Variants in UMAD1 observed in about 807,000 individuals in gnomAD.
UMAD1 encodes UBAP1-MVB12-associated (UMA) domain containing 1, also known as UBAP1-MVB12-associated (UMA)-domain containing protein 1.
A neutral mutation model predicts 6.1 loss-of-function variants in UMAD1; 8 were observed. That is an observed-to-expected ratio of 1.30 (90% CI 0.76 to 2.35). The LOEUF is 2.35. UMAD1 is among the 30% of genes most tolerant of loss of function. The probability of loss-of-function intolerance (pLI) is 0.00; values close to 1 mark genes in which losing one functional copy is unlikely to be tolerated. For missense variants in UMAD1, 130 were observed against 78.4 expected, an observed-to-expected ratio of 1.66 and a Z score of -2.49; for synonymous variants, 56 against 31.4, an observed-to-expected ratio of 1.78 and a Z score of -2.61.
At chr7:7,815,212 C>T (rs1159902466) in intron 3 of UMAD1, among the ~76,000 whole-genome samples, 6 of 152,094 alleles carry the variant, frequency 3.9e-5, no homozygotes, top group Admixed American at 3.9e-4. Flanking sequence ...ATCAGACAGA[C>T]TTGTAGCTCA....
intron 2 of UMAD1, among the ~76,000 whole-genome samples, chr7:7,777,915 G>C (rs1224611152): frequency 6.6e-6 from 1 of 152,120 alleles, no homozygotes; most frequent in African/African-American, 2.4e-5. Flanking sequence ...CCCTGATCTA[G>C]CTGTGTTAGG....
At chr7:7,674,416 T>C (rs1779687508) in intron 2 of UMAD1, among the ~76,000 whole-genome samples, 1 of 152,226 alleles carries the variant, frequency 6.6e-6, no homozygotes, top group South Asian at 2.1e-4. Flanking sequence ...AGAGTTTTTC[T>C]CGTGGATAAA....
chr7:7,692,311 T>G (rs899120776), intron 2 of UMAD1: 3 of 152,074 alleles, frequency 2.0e-5, no homozygotes, highest in Non-Finnish European at 4.4e-5. Flanking sequence ...CTAGTAGTCA[T>G]GAGGAGAATT....
At chr7:7,845,810 C>T (rs1482887548) in intron 3 of UMAD1, among the ~76,000 whole-genome samples, 1 of 152,064 alleles carries the variant, frequency 6.6e-6, no homozygotes, top group Non-Finnish European at 1.5e-5. Flanking sequence ...ACTTGTAATA[C>T]AAATATGTCA....
At chr7:7,746,126 T>C (rs1198255654) in intron 2 of UMAD1, among the ~76,000 whole-genome samples, 1 of 152,226 alleles carries the variant, frequency 6.6e-6, no homozygotes, top group African/African-American at 2.4e-5. Context: ...CGTGTTTGAA[T>C]GCTTAGTTGC....
intron 1 of UMAD1, among the ~76,000 whole-genome samples, chr7:7,647,669 G>C (rs1043433234): frequency 6.6e-6 from 1 of 152,212 alleles, no homozygotes; most frequent in Admixed American, 6.5e-5. Context: ...CTGCAGTGGC[G>C]TGATTGTGGT....
chr7:7,699,739 A>C (rs1780410275), intron 2 of UMAD1, among the ~76,000 whole-genome samples: 1 of 152,224 alleles, frequency 6.6e-6, no homozygotes, highest in South Asian at 2.1e-4. Context: ...CACAACTTGT[A>C]AGGTTCTGTA....
At chr7:7,654,382 G>A (rs76013433) in intron 1 of UMAD1, among the ~76,000 whole-genome samples, 20 of 152,196 alleles carry the variant, frequency 1.3e-4, no homozygotes, top group African/African-American at 4.3e-4. Context: ...TAGTTTTCAA[G>A]ATGACTTTAT....
intron 3 of UMAD1, among the ~76,000 whole-genome samples, chr7:7,828,202 G>A (rs746161099): frequency 2.6e-5 from 4 of 152,096 alleles, no homozygotes; most frequent in Admixed American, 1.3e-4. Context: ...TTTGATAGTC[G>A]CTGGTTGGTT....
intron 2 of UMAD1, among the ~76,000 whole-genome samples, chr7:7,691,863 TA>T (rs1780179743): frequency 6.6e-6 from 1 of 152,232 alleles, no homozygotes; most frequent in African/African-American, 2.4e-5. Context: ...GAAGATTTTT[TA>T]GTTAAAATTT....
At chr7:7,676,845 G>T (rs1378320892) in intron 2 of UMAD1, among the ~76,000 whole-genome samples, 1 of 152,030 alleles carries the variant, frequency 6.6e-6, no homozygotes, top group African/African-American at 2.4e-5. Context: ...AGATTATTAG[G>T]AATATAGTTA....
chr7:7,699,054 G>C (rs996925758), intron 2 of UMAD1, among the ~76,000 whole-genome samples: 12 of 150,804 alleles, frequency 8.0e-5, no homozygotes, highest in East Asian at 3.9e-4. Flanking sequence ...GTGTGTGGGG[G>C]GGGGGTAGAT....
At chr7:7,689,963 A>G (rs1017756441) in intron 2 of UMAD1, among the ~76,000 whole-genome samples, 3 of 152,146 alleles carry the variant, frequency 2.0e-5, no homozygotes, top group African/African-American at 7.2e-5. Flanking sequence ...AGGTGTTTTT[A>G]CTGTGTTTTA....
rs1459708000 is a variant in UMAD1, at chr7:7,847,099, AAAAAAATATATATATATAT to A, written c.157-30180_157-30162del. 3.6e-4 allele frequency among the ~76,000 whole-genome samples: 16 copies of A among 44,552 alleles called. 2 individuals are homozygous for A. Among genetic ancestry groups the A allele is most frequent in the African/African-American group, 1.3e-3 (8 of 6,286 alleles). The allele number at this position is 44,552 out of a possible 152,430, so 29.2% of individuals were successfully genotyped here. A position where few individuals can be genotyped will look rare whatever the true frequency, so the allele number is the denominator to read the frequency against. ...AAAGACAGCAATGCAAAAAAAAAAA[AAAAAAATATATATATATAT>A]ATATATATATATATATATATATATA... On this transcript the variant is annotated intron_variant, in intron 3 of 3. Transcript: ENST00000682710.
Position 7,769,091 on chromosome 7 carries a change from T to C in UMAD1, c.83-32579T>C, listed in dbSNP as rs537912377. Among the ~76,000 whole-genome samples, 227 of 152,336 alleles carry C rather than the reference T, an allele frequency of 1.5e-3. 1 individual carries two copies. The highest frequency in any genetic ancestry group is 5.0e-3 in the African/African-American group (208 of 41,588). ...CACCAAGACCAGATGTCCCTTTTCATTCATCTGTCCAGAAATTTAGCTTTT... is the reference window on the plus strand; with the variant it reads ...CACCAAGACCAGATGTCCCTTTTCACTCATCTGTCCAGAAATTTAGCTTTT... On this transcript the variant is annotated intron_variant, in intron 2 of 3. Coordinates refer to ENST00000682710, the MANE Select transcript of UMAD1 (RefSeq NM_001302348.2).
chr7:7,775,705 G>A (rs1782191905), intron 2 of UMAD1, among the ~76,000 whole-genome samples: 2 of 152,168 alleles, frequency 1.3e-5, no homozygotes, highest in African/African-American at 4.8e-5. Context: ...TTGCTGGTGG[G>A]AATATAAAAT....
chr7:7,752,161 T>G (rs1781690406), intron 2 of UMAD1, among the ~76,000 whole-genome samples: 1 of 152,130 alleles, frequency 6.6e-6, no homozygotes, highest in African/African-American at 2.4e-5. Flanking sequence ...AGATGAATGA[T>G]GAAATAAGTA....
intron 2 of UMAD1, among the ~76,000 whole-genome samples, chr7:7,699,132 G>C (rs1298674667): frequency 1.3e-5 from 2 of 151,934 alleles, no homozygotes; most frequent in African/African-American, 2.4e-5. Context: ...AGCATTATAG[G>C]TGTGAGCCAC....
At chr7:7,681,574 T>A (rs975070581) in intron 2 of UMAD1, among the ~76,000 whole-genome samples, 1 of 152,166 alleles carries the variant, frequency 6.6e-6, no homozygotes, top group Admixed American at 6.5e-5. Context: ...CCTATTCACG[T>A]AAGAAGGTAA....
Sources: gnomAD v4.1 joint callset for allele counts (sites outside exome capture counted in the v4.1 genomes callset) on GRCh38, gnomAD v4.1.1 for gene constraint, MANE v1.5 for transcripts, NCBI Gene and HGNC (gene_info 2026-07-23, HGNC 2026-07-21) for gene names.